SLF1: variants seen among roughly 807,000 people sequenced by gnomAD.
The protein encoded by SLF1 is SMC5/6 complex localization factor 1.
In SLF1, 105 loss-of-function variants were observed where a neutral mutation model predicts 123.0. That is an observed-to-expected ratio of 0.85 (90% CI 0.73 to 1.00). The LOEUF (loss-of-function observed/expected upper bound fraction) is 1.00, where lower values mean the gene tolerates loss of function less well. Ranked by LOEUF, SLF1 falls within the 50% of genes least tolerant of loss-of-function variation. SLF1 has a pLI of 0.00. For missense variants in SLF1, 1,239 were observed against 1,223.0 expected (o/e 1.01, Z -0.20); for synonymous variants, 434 against 406.6 (o/e 1.07, Z -0.81).
At chr5:94,628,076 C>T (rs1486585799) in intron 1 of SLF1, among the ~76,000 whole-genome samples, 1 of 152,110 alleles carries the variant, frequency 6.6e-6, no homozygotes, top group East Asian at 1.9e-4. Flanking sequence ...ATCTGCCCGC[C>T]TCGGCCTCCC....
chr5:94,682,451 T>A (rs1751910881), intron 15 of SLF1, among the ~76,000 whole-genome samples: 1 of 152,222 alleles, frequency 6.6e-6, no homozygotes, highest in Non-Finnish European at 1.5e-5. Flanking sequence ...TGTTCTAATT[T>A]CACTGTTATA....
chr5:94,636,020 T>A (rs1745727897), intron 4 of SLF1, among the ~76,000 whole-genome samples: 1 of 152,248 alleles, frequency 6.6e-6, no homozygotes, highest in Non-Finnish European at 1.5e-5. Flanking sequence ...GGGAAATTTT[T>A]AATTTCTCCC....
chr5:94,641,280 A>G (rs1211911964), intron 4 of SLF1, among the ~76,000 whole-genome samples: 1 of 148,598 alleles, frequency 6.7e-6, no homozygotes, highest in Non-Finnish European at 1.5e-5. Flanking sequence ...TGCCATTATC[A>G]TGGGACTGGC....
At chr5:94,675,500 G>A (rs1335654293) in intron 14 of SLF1, among the ~76,000 whole-genome samples, 1 of 152,110 alleles carries the variant, frequency 6.6e-6, no homozygotes, top group East Asian at 1.9e-4. Flanking sequence ...ATACTGGAAG[G>A]AATAGCATCG....
chr5:94,638,554 T>A (rs2152471095), intron 4 of SLF1, among the ~76,000 whole-genome samples: 1 of 152,330 alleles, frequency 6.6e-6, no homozygotes, highest in South Asian at 2.1e-4. Flanking sequence ...AGGTGACACA[T>A]GAGTGGACTT....
intron 5 of SLF1, among the ~76,000 whole-genome samples, chr5:94,647,099 C>T (rs1449617932): frequency 6.6e-6 from 1 of 152,144 alleles, no homozygotes; most frequent in African/African-American, 2.4e-5. Flanking sequence ...TTTAAGGTTT[C>T]TTTCCTCAAA....
intron 5 of SLF1, among the ~76,000 whole-genome samples, chr5:94,647,965 A>G (rs1323168965): frequency 6.6e-6 from 1 of 152,168 alleles, no homozygotes; most frequent in Admixed American, 6.5e-5. Context: ...GGATTAGGAA[A>G]CAGTTTATTT....
chr5:94,638,726 G>T (rs1258868488), intron 4 of SLF1, among the ~76,000 whole-genome samples: 1 of 152,112 alleles, frequency 6.6e-6, no homozygotes, highest in Non-Finnish European at 1.5e-5. Context: ...ATTTGTTTTT[G>T]CCCTCTCACA....
intron 15 of SLF1, among the ~76,000 whole-genome samples, chr5:94,683,671 C>A (rs913752093): frequency 2.6e-5 from 4 of 152,090 alleles, no homozygotes; most frequent in African/African-American, 9.7e-5. Context: ...TGGGGCCTGG[C>A]TGATGGGAAG....
chr5:94,654,561 T>C (rs1748151200), intron 8 of SLF1, 69 bp from the exon 9 acceptor site: 1 of 1,278,454 alleles, frequency 7.8e-7, no homozygotes, highest in Non-Finnish European at 1.0e-6. Flanking sequence ...TATTGTCCTT[T>C]GTGATATCAT....
At chr5:94,637,202 T>C (rs984537264) in intron 4 of SLF1, among the ~76,000 whole-genome samples, 1 of 152,142 alleles carries the variant, frequency 6.6e-6, no homozygotes. Context: ...CAGGTGTTCT[T>C]TGGCAGGGAC....
At chr5:94,646,119 G>A (rs1463627992) in intron 5 of SLF1, among the ~76,000 whole-genome samples, 1 of 152,154 alleles carries the variant, frequency 6.6e-6, no homozygotes, top group Non-Finnish European at 1.5e-5. Context: ...GGATGTGGTG[G>A]CACACCTATA....
At position 94,653,203 on chromosome 5, in the gene SLF1, T is replaced by A. The variant is rs572247049; in HGVS notation, c.883-69T>A. 202 of 1,359,958 alleles carry A rather than the reference T, an allele frequency of 1.5e-4. 2 individuals are homozygous for A. The South Asian group carries it at 2.2e-3, about 15-fold the overall frequency. 84.2% of individuals were successfully genotyped at this position (1,359,958 alleles called of 1,614,324 possible). A position where few individuals can be genotyped will look rare whatever the true frequency, so the allele number is the denominator to read the frequency against. On this transcript the variant is annotated intron_variant, in intron 7 of 20. Coordinates refer to ENST00000265140, the MANE Select transcript of SLF1 (RefSeq NM_032290.4). ...TGTATGAAAGTATGAAAGTCACTCT[T>A]GAGTTTATTTGGATTTTGTAACATA...
At chr5:94,638,417 A>G (rs557748438) in intron 4 of SLF1, among the ~76,000 whole-genome samples, 1 of 151,968 alleles carries the variant, frequency 6.6e-6, no homozygotes, top group Non-Finnish European at 1.5e-5. Flanking sequence ...TGACCTCGTG[A>G]TCTGCCCGCC....
chr5:94,682,161 T>A (rs905546890), intron 15 of SLF1, among the ~76,000 whole-genome samples: 1 of 152,170 alleles, frequency 6.6e-6, no homozygotes, highest in Non-Finnish European at 1.5e-5. Flanking sequence ...TATTAATAGA[T>A]CTTTGAGAGC....
At chr5:94,686,294 A>T (rs1752425566) in intron 15 of SLF1, among the ~76,000 whole-genome samples, 3 of 152,366 alleles carry the variant, frequency 2.0e-5, no homozygotes, top group South Asian at 2.1e-4. Flanking sequence ...TTCATATATT[A>T]CCTAATCTGT....
chr5:94,661,868 C>T (rs948957172), intron 9 of SLF1, among the ~76,000 whole-genome samples: 1 of 151,994 alleles, frequency 6.6e-6, no homozygotes, highest in Non-Finnish European at 1.5e-5. Flanking sequence ...ATATTTGTTG[C>T]AGATATTTTT....
intron 15 of SLF1, among the ~76,000 whole-genome samples, chr5:94,680,054 T>A (rs149355059): frequency 6.6e-6 from 1 of 152,222 alleles, no homozygotes; most frequent in Non-Finnish European, 1.5e-5. Flanking sequence ...TTTTATATAC[T>A]TGATATTTTA....
chr5:94,682,456 G>A (rs921224618), intron 15 of SLF1, among the ~76,000 whole-genome samples: 1 of 151,960 alleles, frequency 6.6e-6, no homozygotes, highest in African/African-American at 2.4e-5. Context: ...TAATTTCACT[G>A]TTATATAACT....
Sources: gnomAD v4.1 joint callset for allele counts (sites outside exome capture counted in the v4.1 genomes callset) on GRCh38, gnomAD v4.1.1 for gene constraint, MANE v1.5 for transcripts, NCBI Gene and HGNC (gene_info 2026-07-23, HGNC 2026-07-21) for gene names.